ST6GALNAC2: variants seen among roughly 807,000 people sequenced by gnomAD.
ST6GALNAC2 encodes the protein ST6 N-acetylgalactosaminide alpha-2,6-sialyltransferase 2, also known as alpha-N-acetylgalactosaminide alpha-2,6-sialyltransferase 2.
Under a neutral mutation model 38.7 loss-of-function variants are expected in ST6GALNAC2, and 42 were observed. The ratio of observed to expected loss-of-function variants is 1.09; its 90% CI spans 0.85 to 1.40. ST6GALNAC2 has a LOEUF of 1.40. ST6GALNAC2 is among the 40% of genes most tolerant of loss of function. The pLI is 0.00. For synonymous variants in ST6GALNAC2, 233 were observed against 209.0 expected (o/e 1.11, Z -0.99); for missense variants, 506 against 481.7 (o/e 1.05, Z -0.47).
rs567557862 is a variant in ST6GALNAC2 at position 76,567,570 on chromosome 17, C to T, written c.858-18G>A. On this transcript the variant is annotated intron_variant, in intron 7 of 8. Coordinates refer to ENST00000225276, the MANE Select transcript of ST6GALNAC2 (RefSeq NM_006456.3). ...TCAAGAACCTGGAAGCAAAAAGAGA[C>T]ATTTCAGCTCACTAGCTTGATGGCT... 26 of 1,519,160 alleles carry T rather than the reference C, an allele frequency of 1.7e-5. No individual in the cohort carries two copies. Among genetic ancestry groups the T allele is most frequent in the African/African-American group, 1.1e-4 (8 of 73,276 alleles). The allele number at this position is 1,519,160 out of a possible 1,614,324, so 94.1% of individuals were successfully genotyped here.
intron 2 of ST6GALNAC2, among the ~76,000 whole-genome samples, chr17:76,578,393 C>T (rs1567933164): frequency 6.6e-6 from 1 of 152,128 alleles, no homozygotes; most frequent in Admixed American, 6.6e-5. Flanking sequence ...CTTTTCAGAG[C>T]TTGGAGTTTG....
intron 1 of ST6GALNAC2, among the ~76,000 whole-genome samples, chr17:76,579,695 T>C (rs1450483154): frequency 1.3e-5 from 2 of 152,060 alleles, no homozygotes; most frequent in Admixed American, 6.6e-5. Context: ...ATTGCAAGAG[T>C]GGGTTAGTTA....
chr17:76,568,633 G>A (rs911612430), intron 7 of ST6GALNAC2, 80 bp downstream of exon 7: 14 of 1,407,688 alleles, frequency 9.9e-6, no homozygotes, highest in Non-Finnish European at 1.2e-5. Context: ...GGGCTCGTGC[G>A]AGGGCGCTGA....
Position 76,565,827 on chromosome 17 carries a change from A to T in ST6GALNAC2, c.*277T>A, listed in dbSNP as rs1165365869. On this transcript the variant is annotated 3_prime_UTR_variant, in exon 9 of 9. Coordinates refer to ENST00000225276, the MANE Select transcript of ST6GALNAC2 (RefSeq NM_006456.3). ...TGATCTTGCTGAACACTCCACCGACATTTCCTAAAGTTGCTCAGTGCCAAT... is the reference window on the plus strand; with the variant it reads ...TGATCTTGCTGAACACTCCACCGACTTTTCCTAAAGTTGCTCAGTGCCAAT... The T allele has an allele frequency of 2.8e-6, 1 of 354,070 alleles. No homozygotes were observed. 21.9% of individuals were successfully genotyped at this position (354,070 alleles called of 1,614,324 possible). A position where few individuals can be genotyped will look rare whatever the true frequency, so the allele number is the denominator to read the frequency against.
intron 8 of ST6GALNAC2, 72 bp from the exon 9 acceptor site, chr17:76,566,343 A>G (rs748518238): frequency 2.1e-4 from 323 of 1,532,752 alleles, no homozygotes; most frequent in Middle Eastern, 5.1e-4. Flanking sequence ...GTGAAGTGAC[A>G]TGAGTTTAGA....
At chr17:76,566,294 T>C (rs747018250) in intron 8 of ST6GALNAC2, 23 bp from the exon 9 acceptor site, 1 of 1,612,732 alleles carries the variant, frequency 6.2e-7, no homozygotes, top group Admixed American at 1.7e-5. Flanking sequence ...AGTCGCTGGA[T>C]TAGTATTTGT....
At chr17:76,568,602 C>T in intron 7 of ST6GALNAC2, 111 bp downstream of exon 7, 2 of 1,008,070 alleles carry the variant, frequency 2.0e-6, no homozygotes, top group Admixed American at 3.6e-5. Flanking sequence ...CAGTGGAGCT[C>T]TGGTTATCGG....
intron 1 of ST6GALNAC2, among the ~76,000 whole-genome samples, chr17:76,583,215 A>T (rs1452138719): frequency 6.6e-6 from 1 of 151,914 alleles, no homozygotes; most frequent in Non-Finnish European, 1.5e-5. Flanking sequence ...CTGTACTAAA[A>T]CATACAAAAA....
chr17:76,578,471 T>G (rs775256656), intron 2 of ST6GALNAC2, among the ~76,000 whole-genome samples: 5 of 152,120 alleles, frequency 3.3e-5, no homozygotes, highest in African/African-American at 4.8e-5. Context: ...GAATATAAAA[T>G]TCACAGGACT....
intron 1 of ST6GALNAC2, among the ~76,000 whole-genome samples, chr17:76,584,627 G>C (rs2075521990): frequency 6.6e-6 from 1 of 152,174 alleles, no homozygotes; most frequent in Non-Finnish European, 1.5e-5. Context: ...CAGGCGTTAA[G>C]TCACCGTGGC....
At chr17:76,569,611 G>C (rs1039966097) in intron 6 of ST6GALNAC2, 3 of 398,370 alleles carry the variant, frequency 7.5e-6, no homozygotes, top group Non-Finnish European at 1.3e-5. Context: ...GGGAGACTGG[G>C]TAGGGGATGG....
intron 7 of ST6GALNAC2, chr17:76,567,874 A>C: frequency 3.3e-6 from 1 of 300,132 alleles, no homozygotes; most frequent in Non-Finnish European, 6.5e-6. Flanking sequence ...TCTACTCCAC[A>C]TCTTGATTAA....
At position 76,585,830 on chromosome 17, in the gene ST6GALNAC2, C is replaced by T; in HGVS notation, c.-22G>A. ...CCATACAGCCCCGGCCCGCGAGCGC[C>T]CCGTCCGCTGACGTCCCAGGCAGAA... On this transcript the variant is annotated 5_prime_UTR_variant, in exon 1 of 9. Coordinates refer to ENST00000225276, the MANE Select transcript of ST6GALNAC2 (RefSeq NM_006456.3). 6.6e-7 allele frequency: 1 copy of T among 1,526,522 alleles called. No homozygotes were observed. Among genetic ancestry groups the T allele is most frequent in the Non-Finnish European group, 8.8e-7 (1 of 1,139,678 alleles). The allele number at this position is 1,526,522 out of a possible 1,614,324, so 94.6% of individuals were successfully genotyped here. A position where few individuals can be genotyped will look rare whatever the true frequency, so the allele number is the denominator to read the frequency against.
At chr17:76,579,138 C>T (rs1323633969) in intron 1 of ST6GALNAC2, among the ~76,000 whole-genome samples, 1 of 152,246 alleles carries the variant, frequency 6.6e-6, no homozygotes, top group Non-Finnish European at 1.5e-5. Flanking sequence ...AGGCTGGTCT[C>T]GAACTCCCGA....
intron 2 of ST6GALNAC2, among the ~76,000 whole-genome samples, chr17:76,575,524 CT>C (rs1326212338): frequency 3.3e-5 from 5 of 152,216 alleles, no homozygotes; most frequent in African/African-American, 1.2e-4. Context: ...GCCGCCAGAG[CT>C]GGGAAAAGGC....
At chr17:76,580,130 C>A (rs1453596534) in intron 1 of ST6GALNAC2, among the ~76,000 whole-genome samples, 1 of 152,114 alleles carries the variant, frequency 6.6e-6, no homozygotes, top group Non-Finnish European at 1.5e-5. Flanking sequence ...TAAAAAGTGT[C>A]CTCTAGGTGG....
rs924580939 is a variant in ST6GALNAC2, at chr17:76,566,048, C to T, written c.*56G>A. ...GAAAAGTTAAAAAAGCTTTTGGCCA[C>T]TTGAGAGGATCAGGGCCGCAACTCT... On this transcript the variant is annotated 3_prime_UTR_variant, in exon 9 of 9. Transcript: ENST00000225276. 3.2e-6 allele frequency: 5 copies of T among 1,555,518 alleles called. No homozygotes were observed. The highest frequency in any genetic ancestry group is 4.3e-6 in the Non-Finnish European group (5 of 1,150,442).
At chr17:76,568,363 G>T (rs566177339) in intron 7 of ST6GALNAC2, 24 of 296,434 alleles carry the variant, frequency 8.1e-5, no homozygotes, top group South Asian at 6.1e-4. Context: ...GGCACCTTGT[G>T]TTGGCTGTGT....
At chr17:76,568,839 G>A (rs895249380) in intron 6 of ST6GALNAC2, 43 bp from the exon 7 acceptor site, 18 of 1,597,452 alleles carry the variant, frequency 1.1e-5, no homozygotes, top group African/African-American at 4.0e-5. Flanking sequence ...CAGAGCCGTC[G>A]TATTGCAAGG....
Sources: gnomAD v4.1 joint callset for allele counts (sites outside exome capture counted in the v4.1 genomes callset) on GRCh38, gnomAD v4.1.1 for gene constraint, MANE v1.5 for transcripts, NCBI Gene and HGNC (gene_info 2026-07-23, HGNC 2026-07-21) for gene names.